The following SYT3 variants were observed in gnomAD, a reference collection of about 807,000 sequenced individuals.
SYT3 encodes synaptotagmin 3, also known as synaptotagmin-3.
SYT3 carries 25 observed loss-of-function variants against 50.6 expected under a neutral mutation model. That is an observed-to-expected ratio of 0.49 (90% CI 0.36 to 0.69). SYT3 has a LOEUF of 0.69. Ranked by LOEUF, SYT3 falls within the 30% of genes least tolerant of loss-of-function variation. The pLI is 0.00. For synonymous variants in SYT3, 323 were observed against 353.9 expected, an observed-to-expected ratio of 0.91 and a Z score of 0.98; for missense variants, 589 against 793.6, an observed-to-expected ratio of 0.74 and a Z score of 3.10.
chr19:50,637,618 T>C lies in SYT3; in HGVS notation c.-15-192A>G, dbSNP rs937932066. 11 of 528,774 alleles carry C rather than the reference T, an allele frequency of 2.1e-5. No individual in the cohort carries two copies. Among genetic ancestry groups the C allele is most frequent in the African/African-American group, 1.7e-4 (9 of 51,742 alleles). 32.8% of individuals were successfully genotyped at this position (528,774 alleles called of 1,614,324 possible). A position where few individuals can be genotyped will look rare whatever the true frequency, so the allele number is the denominator to read the frequency against. ...AGGACAAGGTGACAGGTATTAGGGATGGACAAGGAAAAGGAATTAGGAGTA... is the reference window on the plus strand; with the variant it reads ...AGGACAAGGTGACAGGTATTAGGGACGGACAAGGAAAAGGAATTAGGAGTA... On this transcript the variant is annotated intron_variant, in intron 2 of 10. Coordinates refer to ENST00000600079, the MANE Select transcript of SYT3 (RefSeq NM_001160329.2). This position sits in a 1 kb window ranked among gnomAD's most constrained non-coding sequence, Gnocchi z 4.9.
At chr19:50,633,765 C>G (rs1180756024) in intron 3 of SYT3, among the ~76,000 whole-genome samples, 2 of 152,128 alleles carry the variant, frequency 1.3e-5, no homozygotes, top group Non-Finnish European at 2.9e-5. Context: ...GTTATTTAAG[C>G]CTGCCAGGCA....
At chr19:50,641,453 G>GC (rs1984680468), upstream of SYT3, among the ~76,000 whole-genome samples, 1 of 151,466 alleles carries the variant, frequency 6.6e-6, no homozygotes, top group Non-Finnish European at 1.5e-5. Flanking sequence ...ACAGACGTGA[G>GC]CCACCGCGCC....
chr19:50,625,149 G>A lies in SYT3; in HGVS notation c.1707+13C>T. The stretch of plus-strand genomic sequence containing the variant: ...GGGTGCTTGTCAGGGGTCGGTGTGG[G>A]ACCCCTACTCACCTCCACTAGCTGA... On this transcript the variant is annotated intron_variant, in intron 9 of 10. Transcript: ENST00000600079. This position sits in a 1 kb window ranked among gnomAD's most constrained non-coding sequence, Gnocchi z 7.5. 6.4e-7 allele frequency: 1 copy of A among 1,568,380 alleles called. No individual in the cohort carries two copies. The highest frequency in any genetic ancestry group is 8.6e-7 in the Non-Finnish European group (1 of 1,163,878).
intron 3 of SYT3, among the ~76,000 whole-genome samples, chr19:50,634,833 G>A (rs910752395): frequency 6.6e-6 from 1 of 151,836 alleles, no homozygotes; most frequent in African/African-American, 2.4e-5. Flanking sequence ...CATCCACCTC[G>A]GCTTCCCAAA....
chr19:50,653,522 A>T, the SYT3 span, among the ~76,000 whole-genome samples: 12 of 151,888 alleles, frequency 7.9e-5, no homozygotes, highest in African/African-American at 2.9e-4. Flanking sequence ...GAAAATGTAG[A>T]TTTGAATCCA....
intron 6 of SYT3, among the ~76,000 whole-genome samples, chr19:50,627,325 A>G (rs946387559): frequency 5.9e-5 from 9 of 152,096 alleles, no homozygotes; most frequent in South Asian, 2.1e-4. Flanking sequence ...GTGCCTCCCC[A>G]TAACCCTGGC....
At chr19:50,643,030 T>A (rs1467686447), upstream of SYT3, among the ~76,000 whole-genome samples, 1 of 152,094 alleles carries the variant, frequency 6.6e-6, no homozygotes, top group Admixed American at 6.6e-5. Context: ...AGGGAAGCGC[T>A]CTGCCCAAGA....
chr19:50,629,513 C>G lies in SYT3; in HGVS notation c.1063-1G>C. On this transcript the variant is annotated splice_acceptor_variant, in intron 5 of 10. Transcript: ENST00000600079. LOFTEE classifies it high-confidence loss of function. ...CGGGGTTCAGGGTCTTCCTGTGCAC[C>G]TGGTGGTGGTGGGCGACAGGAGACA... The G allele has an allele frequency of 6.2e-7, 1 of 1,612,226 alleles. No individual in the cohort carries two copies. The highest frequency in any genetic ancestry group is 8.5e-7 in the Non-Finnish European group (1 of 1,178,942).
the SYT3 span, among the ~76,000 whole-genome samples, chr19:50,652,907 T>C: frequency 6.6e-6 from 1 of 152,330 alleles, no homozygotes; most frequent in African/African-American, 2.4e-5. Context: ...TTTATCCTTA[T>C]TCTATCATTT....
chr19:50,647,488 C>T, the SYT3 span, among the ~76,000 whole-genome samples: 3 of 151,880 alleles, frequency 2.0e-5, no homozygotes, highest in African/African-American at 7.3e-5. Flanking sequence ...GAGTTTGAGA[C>T]CAGCTTGGGC....
At chr19:50,655,949 A>C in the SYT3 span, 2 of 1,110,686 alleles carry the variant, frequency 1.8e-6, no homozygotes, top group South Asian at 1.3e-5. Flanking sequence ...CATACAAGCT[A>C]TTCTGGGTGT....
At chr19:50,652,350 C>T in the SYT3 span, among the ~76,000 whole-genome samples, 3,728 of 152,248 alleles carry the variant, frequency 0.024, 147 homozygotes, top group African/African-American at 0.084. Context: ...ACACAAGTCC[C>T]TGCCCTTACG....
chr19:50,634,572 C>CTTTTTTTTT (rs3028785), intron 3 of SYT3, among the ~76,000 whole-genome samples: 1 of 74,220 alleles, frequency 1.3e-5, no homozygotes, highest in Non-Finnish European at 2.5e-5. Flanking sequence ...TCTTGGGGTG[C>CTTTTTTTTT]TTTTTTTTTT....
upstream of SYT3, among the ~76,000 whole-genome samples, chr19:50,642,860 A>G (rs1479519217): frequency 6.6e-6 from 1 of 152,202 alleles, no homozygotes; most frequent in Non-Finnish European, 1.5e-5. Context: ...AGAAAAAATC[A>G]TATTGTATCT....
the SYT3 span, chr19:50,658,102 C>T: frequency 6.5e-7 from 1 of 1,535,354 alleles, no homozygotes; most frequent in Non-Finnish European, 8.7e-7. Flanking sequence ...TGAACGTCAT[C>T]TGTGGGACTG....
the SYT3 span, chr19:50,649,396 G>C: frequency 4.6e-6 from 7 of 1,527,012 alleles, 1 homozygote; most frequent in Non-Finnish European, 1.8e-6. Context: ...GGCCCAGGCA[G>C]AGCCTCTCTT....
At chr19:50,649,747 C>T in the SYT3 span, 1 of 642,702 alleles carries the variant, frequency 1.6e-6, no homozygotes, top group South Asian at 1.5e-5. Flanking sequence ...ACTACATTTC[C>T]CATGAGCCTC....
Position 50,638,778 on chromosome 19 carries a change from G to T in SYT3, c.-16+247C>A, listed in dbSNP as rs955319575. Among the ~76,000 whole-genome samples, 24 of 152,104 alleles carry T rather than the reference G, an allele frequency of 1.6e-4. 2 individuals carry two copies. Among genetic ancestry groups the T allele is most frequent in the Admixed American group, 1.3e-3 (20 of 15,280 alleles). On this transcript the variant is annotated intron_variant, in intron 2 of 10. Coordinates refer to ENST00000600079, the MANE Select transcript of SYT3 (RefSeq NM_001160329.2). Reference sequence around the variant, plus strand: ...CAGATAGACAAAAGGAGACAGGAGGGCTGGGCAGACAGACATGGGTTCATA... The same window carrying T: ...CAGATAGACAAAAGGAGACAGGAGGTCTGGGCAGACAGACATGGGTTCATA...
At chr19:50,648,544 T>C in the SYT3 span, among the ~76,000 whole-genome samples, 1 of 150,474 alleles carries the variant, frequency 6.6e-6, no homozygotes, top group African/African-American at 2.5e-5. Context: ...AACAGGCACC[T>C]ACACGGCTAG....
Sources: gnomAD v4.1 joint callset for allele counts (sites outside exome capture counted in the v4.1 genomes callset) on GRCh38, gnomAD v4.1.1 for gene constraint, Gnocchi (gnomAD v3.1) non-coding constraint, MANE v1.5 for transcripts, NCBI Gene and HGNC (gene_info 2026-07-23, HGNC 2026-07-21) for gene names.